UBE2F: variants seen among roughly 807,000 people sequenced by gnomAD.
UBE2F encodes ubiquitin conjugating enzyme E2 F (putative).
UBE2F carries 5 observed loss-of-function variants against 29.6 expected under a neutral mutation model. The observed-to-expected ratio is 0.17, with a 90% CI of 0.09 to 0.36. UBE2F has a LOEUF of 0.36. Among genes scored for constraint, UBE2F ranks in the 10% least tolerant of loss-of-function variants. The pLI is 1.00. For synonymous variants in UBE2F, 66 were observed against 81.8 expected (o/e 0.81, Z 1.04); for missense variants, 141 against 228.5 (o/e 0.62, Z 2.47).
intron 2 of UBE2F, among the ~76,000 whole-genome samples, chr2:237,977,532 G>A (rs374938238): frequency 5.1e-4 from 78 of 152,308 alleles, no homozygotes; most frequent in African/African-American, 1.8e-3. Context: ...GTGCCTGATG[G>A]TTCATGCTTG....
intron 6 of UBE2F, 79 bp from the exon 7 acceptor site, chr2:238,030,477 A>T: frequency 1.0e-6 from 1 of 970,526 alleles, no homozygotes; most frequent in Non-Finnish European, 1.6e-6. Context: ...TGCATGGCAC[A>T]CACCGAGAGG....
intron 6 of UBE2F, among the ~76,000 whole-genome samples, chr2:238,027,666 A>G (rs1448455595): frequency 6.6e-6 from 1 of 152,212 alleles, no homozygotes; most frequent in Non-Finnish European, 1.5e-5. Context: ...TGCCAGATTG[A>G]TGTACGGGGA....
intron 6 of UBE2F, among the ~76,000 whole-genome samples, chr2:238,027,577 C>T (rs1441152179): frequency 6.6e-6 from 1 of 152,136 alleles, no homozygotes; most frequent in African/African-American, 2.4e-5. Flanking sequence ...GTCCTTCAGC[C>T]ACGTAGACTA....
chr2:238,013,980 G>A (rs2064097384), intron 4 of UBE2F, among the ~76,000 whole-genome samples: 1 of 152,170 alleles, frequency 6.6e-6, no homozygotes, highest in Non-Finnish European at 1.5e-5. Flanking sequence ...GTGGGCCACG[G>A]TGCACGTGTA....
chr2:238,018,058 G>A (rs2064202143), intron 5 of UBE2F, among the ~76,000 whole-genome samples: 1 of 152,168 alleles, frequency 6.6e-6, no homozygotes. Flanking sequence ...TAAATTTGTA[G>A]ACAAAGATGG....
At chr2:238,010,739 C>T (rs568100751) in intron 4 of UBE2F, among the ~76,000 whole-genome samples, 17 of 152,194 alleles carry the variant, frequency 1.1e-4, no homozygotes, top group Admixed American at 3.3e-4. Flanking sequence ...TGAATGGCTC[C>T]CAAACTGCCC....
In UBE2F at chr2:237,967,408, C is replaced by T. The variant is rs2063077983; in HGVS notation, c.-17+276C>T. 6.6e-6 allele frequency among the ~76,000 whole-genome samples: 1 copy of T among 151,136 alleles called. No homozygotes were observed. Among genetic ancestry groups the T allele is most frequent in the Non-Finnish European group, 1.5e-5 (1 of 67,696 alleles). On this transcript the variant is annotated intron_variant, in intron 1 of 9. Transcript: ENST00000272930. This position sits in a 1 kb window ranked among gnomAD's most constrained non-coding sequence, Gnocchi z 6.3. ...GCCCGGCAGTGAGTGACCGCGGCGG[C>T]GGCGGCGGGGGACGGCCCGCGCCGA... is the stretch of plus-strand genomic sequence containing the variant.
intron 8 of UBE2F, among the ~76,000 whole-genome samples, chr2:238,034,149 G>T (rs527773694): frequency 1.3e-5 from 2 of 152,180 alleles, no homozygotes; most frequent in Non-Finnish European, 2.9e-5. Context: ...TGTTGGCTAG[G>T]CGCAGTGACT....
chr2:237,979,510 G>A (rs545322164), intron 2 of UBE2F, among the ~76,000 whole-genome samples: 31 of 152,360 alleles, frequency 2.0e-4, no homozygotes, highest in African/African-American at 7.2e-4. Flanking sequence ...CGGGCTCAGG[G>A]TGTGGCATGC....
intron 4 of UBE2F, among the ~76,000 whole-genome samples, chr2:238,001,815 G>A (rs1000681288): frequency 6.6e-6 from 1 of 151,858 alleles, no homozygotes; most frequent in East Asian, 1.9e-4. Flanking sequence ...GCAAGACTCC[G>A]TCTCAACAAA....
At chr2:238,020,541 C>T (rs945544851) in intron 5 of UBE2F, among the ~76,000 whole-genome samples, 4 of 152,200 alleles carry the variant, frequency 2.6e-5, no homozygotes, top group Non-Finnish European at 4.4e-5. Context: ...CTAAGAGTTA[C>T]AGTTCCTGCA....
intron 1 of UBE2F, 93 bp from the exon 2 acceptor site, chr2:237,972,999 A>G (rs1473079868): frequency 2.1e-6 from 3 of 1,401,778 alleles, no homozygotes; most frequent in Non-Finnish European, 2.9e-6. Context: ...GTGGGAAAAA[A>G]TCAAAATACA....
At chr2:237,969,100 A>AAATAATGTT (rs2063119919) in intron 1 of UBE2F, among the ~76,000 whole-genome samples, 2 of 152,176 alleles carry the variant, frequency 1.3e-5, no homozygotes, top group Non-Finnish European at 2.9e-5. Context: ...AATGTTAGAG[A>AAATAATGTT]AGTACATTTT....
chr2:238,010,783 A>G lies in UBE2F; in HGVS notation c.215-5783A>G, dbSNP rs533563367. Among the ~76,000 whole-genome samples the G allele has an allele frequency of 3.9e-5, 6 of 152,236 alleles. No individual in the cohort carries two copies. In the East Asian group the frequency reaches 1.2e-3, roughly 29 times the overall value. ...CAACCTCTCCCAGTACTCAAGAATG[A>G]TCTGTCAGCTGCCCACTCAACACCT... is the stretch of plus-strand genomic sequence containing the variant. On this transcript the variant is annotated intron_variant, in intron 4 of 9. Coordinates refer to ENST00000272930, the MANE Select transcript of UBE2F (RefSeq NM_080678.3).
chr2:237,973,848 C>T, intron 2 of UBE2F: 1 of 402,302 alleles, frequency 2.5e-6, no homozygotes, highest in Non-Finnish European at 3.5e-6. Context: ...ATAAATTTTG[C>T]ATTTATTCAT....
intron 7 of UBE2F, 108 bp downstream of exon 7, chr2:238,030,721 C>G (rs2106405672): frequency 2.4e-6 from 2 of 819,392 alleles, no homozygotes; most frequent in East Asian, 5.3e-5. Context: ...CACATCCACA[C>G]CAGTGGCCGG....
chr2:238,018,622 G>T (rs971322175), intron 5 of UBE2F, among the ~76,000 whole-genome samples: 10 of 152,120 alleles, frequency 6.6e-5, no homozygotes, highest in African/African-American at 2.4e-4. Context: ...CTGGAGTGCT[G>T]TGGCGTGATC....
chr2:237,993,082 G>C (rs2063622008), intron 3 of UBE2F, among the ~76,000 whole-genome samples: 1 of 151,804 alleles, frequency 6.6e-6, no homozygotes, highest in African/African-American at 2.4e-5. Context: ...CTGCCTCCCA[G>C]GTTCAGGCAA....
intron 4 of UBE2F, among the ~76,000 whole-genome samples, chr2:238,016,045 A>G (rs1025772772): frequency 1.3e-5 from 2 of 152,176 alleles, no homozygotes; most frequent in Non-Finnish European, 2.9e-5. Flanking sequence ...GGCTGCATCA[A>G]GCAATCACTG....
Sources: allele counts gnomAD v4.1 joint callset (sites outside exome capture counted in the v4.1 genomes callset), GRCh38; gene constraint gnomAD v4.1.1; non-coding constraint Gnocchi (gnomAD v3.1); transcripts MANE v1.5; gene names NCBI Gene and HGNC (gene_info 2026-07-23, HGNC 2026-07-21).